Variants in DMGDH observed in about 807,000 individuals in gnomAD.
The protein encoded by DMGDH is dimethylglycine dehydrogenase.
A neutral mutation model predicts 95.2 loss-of-function variants in DMGDH; 76 were observed. The observed-to-expected ratio is 0.80, with a 90% CI of 0.66 to 0.97. The LOEUF (loss-of-function observed/expected upper bound fraction) is 0.97, where lower values mean the gene tolerates loss of function less well. Ranked by LOEUF, DMGDH falls within the 50% of genes least tolerant of loss-of-function variation. The pLI is 0.00. For synonymous variants in DMGDH, 345 were observed against 377.6 expected (o/e 0.91, Z 1.00); for missense variants, 987 against 1,055.0 (o/e 0.94, Z 0.89).
rs757043898 is a variant in DMGDH at position 79,043,518 on chromosome 5, G to T, written c.994+786C>A. 5.3e-5 allele frequency among the ~76,000 whole-genome samples: 8 copies of T among 152,338 alleles called. No individual in the cohort carries two copies. In the South Asian group the frequency reaches 1.2e-3, roughly 24 times the overall value. On this transcript the variant is annotated intron_variant, in intron 6 of 15. Coordinates refer to ENST00000255189, the MANE Select transcript of DMGDH (RefSeq NM_013391.3). ...CTATTATTTGGGCCTACTCTTTGAG[G>T]AGTAGAGTGGAGGGATTCATTTCCT...
At chr5:79,060,056 G>A (rs1309994696) in intron 2 of DMGDH, among the ~76,000 whole-genome samples, 4 of 152,300 alleles carry the variant, frequency 2.6e-5, no homozygotes, top group Non-Finnish European at 5.9e-5. Flanking sequence ...ACCATGAAGT[G>A]CCAACCTCCC....
intron 9 of DMGDH, among the ~76,000 whole-genome samples, chr5:79,032,277 A>T (rs1454922506): frequency 6.6e-6 from 1 of 152,224 alleles, no homozygotes; most frequent in Admixed American, 6.5e-5. Context: ...AGTTGCTTTG[A>T]GCAATTTCAG....
chr5:78,998,818 C>T (rs1753403428), intron 15 of DMGDH, among the ~76,000 whole-genome samples: 1 of 152,006 alleles, frequency 6.6e-6, no homozygotes, highest in South Asian at 2.1e-4. Context: ...CCACTGCACT[C>T]CAGCCTGGAT....
chr5:79,050,263 AAAAAAAAAAAAT>A (rs1293317891), intron 5 of DMGDH, among the ~76,000 whole-genome samples: 10 of 71,426 alleles, frequency 1.4e-4, no homozygotes, highest in South Asian at 4.4e-4. Flanking sequence ...AAAAAAAAAA[AAAAAAAAAAAAT>A]ATATATATAT....
intron 14 of DMGDH, among the ~76,000 whole-genome samples, chr5:79,006,494 A>G (rs776232398): frequency 6.6e-6 from 1 of 152,196 alleles, no homozygotes. Context: ...AGACTTCTGC[A>G]TACTCTGCCT....
At chr5:79,030,131 A>G (rs1754116630) in intron 10 of DMGDH, 97 bp from the exon 11 acceptor site, 1 of 1,044,844 alleles carries the variant, frequency 9.6e-7, no homozygotes, top group African/African-American at 1.6e-5. Flanking sequence ...TTAAGAATGA[A>G]AAGTATCTGA....
chr5:79,035,743 G>A (rs1754330688), intron 7 of DMGDH, among the ~76,000 whole-genome samples: 1 of 68,604 alleles, frequency 1.5e-5, no homozygotes, highest in Admixed American at 1.3e-4. Context: ...GTGGTGGGCG[G>A]GGGGGGAATC....
intron 10 of DMGDH, 176 bp downstream of exon 10, chr5:79,030,657 A>G: frequency 1.5e-6 from 1 of 681,180 alleles, no homozygotes; most frequent in Non-Finnish European, 2.3e-6. Flanking sequence ...CAAAAAAAAA[A>G]AAAAAAAAAG....
At chr5:79,003,335 ATAGT>A (rs368419863) in intron 15 of DMGDH, among the ~76,000 whole-genome samples, 4 of 152,226 alleles carry the variant, frequency 2.6e-5, no homozygotes, top group Admixed American at 2.0e-4. Flanking sequence ...ATCAGGTCAA[ATAGT>A]TAATTAATGG....
At chr5:79,008,240 C>A (rs2112601832) in intron 14 of DMGDH, among the ~76,000 whole-genome samples, 1 of 152,230 alleles carries the variant, frequency 6.6e-6, no homozygotes, top group South Asian at 2.1e-4. Flanking sequence ...CCAGTTCCGC[C>A]TGGGATGGGA....
intron 13 of DMGDH, 59 bp from the exon 14 acceptor site, chr5:79,024,389 A>G: frequency 6.9e-7 from 1 of 1,455,778 alleles, no homozygotes; most frequent in Admixed American, 1.7e-5. Context: ...TGGTAACATC[A>G]CTTTCATATT....
chr5:79,019,108 C>G (rs932780095), intron 14 of DMGDH, among the ~76,000 whole-genome samples: 1 of 152,112 alleles, frequency 6.6e-6, no homozygotes, highest in Non-Finnish European at 1.5e-5. Flanking sequence ...TGGAGGCATT[C>G]CATAGGATTT....
At position 78,998,173 on chromosome 5, in the gene DMGDH, T is replaced by G. The variant is rs1171541008; in HGVS notation, c.2510A>C (p.Asn837Thr). Residue 837 changes from asparagine (N) to threonine (T), a missense_variant, in exon 16 of 16, where the codon AAT becomes ACT. Physicochemically the swap from Asn to Thr is moderately conservative, Grantham distance 65. Coordinates refer to ENST00000255189, the MANE Select transcript of DMGDH (RefSeq NM_013391.3). ...QQVEVELLGK[N>T]YPAVIIQEPL... ...TTCTTGTATGATGACTGCTGGGTAA[T>G]TTTTGCCTAATAGTTCAACTTCCAC... is the stretch of plus-strand genomic sequence containing the variant. The G allele has an allele frequency of 1.2e-6, 2 of 1,614,210 alleles. No individual in the cohort carries two copies. Among genetic ancestry groups the G allele is most frequent in the South Asian group, 2.2e-5 (2 of 91,078 alleles).
chr5:79,027,808 G>A (rs990953518), intron 12 of DMGDH, among the ~76,000 whole-genome samples: 1 of 150,670 alleles, frequency 6.6e-6, no homozygotes. Context: ...TGGCTGGCCC[G>A]ACTATTTCAG....
intron 7 of DMGDH, among the ~76,000 whole-genome samples, chr5:79,037,437 G>T (rs1754377367): frequency 6.6e-6 from 1 of 152,168 alleles, no homozygotes; most frequent in African/African-American, 2.4e-5. Context: ...GCTAATGGGG[G>T]TATTCCATTA....
At chr5:79,052,445 G>A (rs1754895973) in intron 4 of DMGDH, among the ~76,000 whole-genome samples, 2 of 152,142 alleles carry the variant, frequency 1.3e-5, no homozygotes, top group African/African-American at 4.8e-5. Context: ...TTTTCTTTGT[G>A]GGAAGTTTTT....
chr5:79,019,861 G>T (rs1042445752), intron 14 of DMGDH, among the ~76,000 whole-genome samples: 1 of 152,126 alleles, frequency 6.6e-6, no homozygotes, highest in African/African-American at 2.4e-5. Flanking sequence ...CTCCAGCCTG[G>T]GCAATAGGGC....
intron 14 of DMGDH, among the ~76,000 whole-genome samples, chr5:79,022,449 A>T (rs1753893617): frequency 6.6e-6 from 1 of 152,228 alleles, no homozygotes; most frequent in Non-Finnish European, 1.5e-5. Flanking sequence ...AAGCATCATT[A>T]TGAGTAGGTT....
In DMGDH at chr5:79,032,838, C is replaced by G; in HGVS notation, c.1366G>C (p.Gly456Arg). 1 of 1,614,028 alleles carries G rather than the reference C, an allele frequency of 6.2e-7. No individual in the cohort carries two copies. The highest frequency in any genetic ancestry group is 1.7e-5 in the Admixed American group (1 of 60,016). The change falls in exon 9 of 16, where the codon GGT becomes CGT. Residue 456 changes from glycine (G) to arginine (R), a missense_variant and splice_region_variant. Coordinates refer to ENST00000255189, the MANE Select transcript of DMGDH (RefSeq NM_013391.3). ...RESYGFNNIV[G>R]YPKEERFAGR... Reference sequence around the variant, plus strand: ...GCAAACCGTTCTTCTTTAGGATAACCAACTGAAAAGGAAAAATTGGTACTT... The same window carrying G: ...GCAAACCGTTCTTCTTTAGGATAACGAACTGAAAAGGAAAAATTGGTACTT...
Sources: gnomAD v4.1 joint callset for allele counts (sites outside exome capture counted in the v4.1 genomes callset) on GRCh38, gnomAD v4.1.1 for gene constraint, MANE v1.5 for transcripts, NCBI Gene and HGNC (gene_info 2026-07-23, HGNC 2026-07-21) for gene names.